The following ASTN2 variants were observed in gnomAD, a reference collection of about 807,000 sequenced individuals.
ASTN2 encodes astrotactin 2, also known as astrotactin-2.
In ASTN2, 54 loss-of-function variants were observed where a neutral mutation model predicts 139.8. The ratio of observed to expected loss-of-function variants is 0.39; its 90% CI spans 0.31 to 0.48. ASTN2 has a LOEUF of 0.48. Ranked by LOEUF, ASTN2 falls within the 20% of genes least tolerant of loss-of-function variation. The pLI is 0.95. For missense variants in ASTN2, 1,565 were observed against 1,725.1 expected (o/e 0.91, Z 1.64); for synonymous variants, 756 against 719.5 (o/e 1.05, Z -0.81).
intron 2 of ASTN2, among the ~76,000 whole-genome samples, chr9:117,240,813 T>TG (rs916755676): frequency 6.6e-6 from 1 of 152,144 alleles, no homozygotes; most frequent in African/African-American, 2.4e-5. Flanking sequence ...ACATAGCATA[T>TG]GGGGGGCTTG....
At position 117,414,770 on chromosome 9, in the gene ASTN2, G is replaced by T; in HGVS notation, c.169C>A (p.Arg57=). 2 of 1,266,010 alleles carry T rather than the reference G, an allele frequency of 1.6e-6. No individual in the cohort carries two copies. The highest frequency in any genetic ancestry group is 2.3e-5 in the South Asian group (1 of 44,438). The allele number at this position is 1,266,010 out of a possible 1,614,324, so 78.4% of individuals were successfully genotyped here. A position where few individuals can be genotyped will look rare whatever the true frequency, so the allele number is the denominator to read the frequency against. ...AGCCGGCACGGGCTGTCGGGCTCCCGCGAGGCAGCGGCGGTGGCGCCGGCC... is the reference window on the plus strand; with the variant it reads ...AGCCGGCACGGGCTGTCGGGCTCCCTCGAGGCAGCGGCGGTGGCGCCGGCC... ...LLAGATAAAS[R]EPDSPCRLKT... The change falls in exon 1 of 23, where the codon CGG becomes AGG. Residue 57 remains arginine (R), a synonymous_variant. Coordinates refer to ENST00000313400, the MANE Select transcript of ASTN2 (RefSeq NM_001365068.1). The surrounding 1 kb of genome is among the most constrained non-coding windows in gnomAD (Gnocchi z 4.2).
intron 19 of ASTN2, among the ~76,000 whole-genome samples, chr9:116,565,379 CTCTCTCTCCATATATATATATATATATA>C (rs1378781981): frequency 0.013 from 436 of 34,390 alleles, 20 homozygotes; most frequent in African/African-American, 0.058. Context: ...CTCTCTCTCT[CTCTCTCTCCATATATATATATATATATA>C]TATATATATA....
intron 19 of ASTN2, among the ~76,000 whole-genome samples, chr9:116,529,490 G>C (rs2119277770): frequency 6.6e-6 from 1 of 152,262 alleles, no homozygotes; most frequent in Middle Eastern, 3.4e-3. Flanking sequence ...CTTTGTCTCA[G>C]ATGAGACTTT....
At chr9:116,804,347 G>A (rs1830975076) in intron 13 of ASTN2, among the ~76,000 whole-genome samples, 1 of 151,962 alleles carries the variant, frequency 6.6e-6, no homozygotes, top group African/African-American at 2.4e-5. Context: ...TTGTAAAATG[G>A]AGGTCATAGT....
intron 10 of ASTN2, among the ~76,000 whole-genome samples, chr9:116,878,024 G>A (rs1254303661): frequency 1.3e-5 from 2 of 152,194 alleles, no homozygotes; most frequent in Non-Finnish European, 1.5e-5. Flanking sequence ...TCTCACGCCA[G>A]TCTGAATGGC....
intron 13 of ASTN2, among the ~76,000 whole-genome samples, chr9:116,803,143 AT>A (rs1008754956): frequency 1.3e-5 from 2 of 151,940 alleles, no homozygotes; most frequent in Non-Finnish European, 2.9e-5. Flanking sequence ...TAATTCCTTT[AT>A]TTTTTTATTT....
chr9:117,349,746 AATG>A (rs1229399993), intron 1 of ASTN2, among the ~76,000 whole-genome samples: 3 of 152,164 alleles, frequency 2.0e-5, no homozygotes, highest in Non-Finnish European at 1.5e-5. Context: ...GCCCCAAATA[AATG>A]ATGAAGACTA....
At position 116,442,426 on chromosome 9, in the gene ASTN2, T is replaced by C. The variant is rs747219492; in HGVS notation, c.3598+27A>G. The C allele has an allele frequency of 1.8e-5, 28 of 1,577,690 alleles. No individual in the cohort carries two copies. The African/African-American group carries it at 2.8e-4, about 16-fold the overall frequency. ...ACTTAGGGGAAATATGGGAGTTACT[T>C]TGGAGTTGAAAAACTGGGTTACCTA... On this transcript the variant is annotated intron_variant, in intron 21 of 22. Transcript: ENST00000313400.
intron 17 of ASTN2, among the ~76,000 whole-genome samples, chr9:116,641,089 C>G (rs803926): frequency 0.58 from 88,083 of 151,936 alleles, 26,031 homozygotes; most frequent in East Asian, 0.86. Context: ...AACCATAGTA[C>G]AGTGGTCTGC....
chr9:117,031,485 C>A (rs958583305), intron 6 of ASTN2, among the ~76,000 whole-genome samples: 22 of 152,226 alleles, frequency 1.4e-4, no homozygotes, highest in African/African-American at 5.3e-4. Flanking sequence ...GTTTTGGATC[C>A]TGTCCAAGGT....
intron 19 of ASTN2, among the ~76,000 whole-genome samples, chr9:116,600,323 CAAAAAAA>C (rs35224783): frequency 1.7e-4 from 20 of 118,996 alleles, no homozygotes; most frequent in East Asian, 1.5e-3. Context: ...GACCCTGTCT[CAAAAAAA>C]AAAAAAAAAA....
intron 10 of ASTN2, among the ~76,000 whole-genome samples, chr9:116,913,871 T>C (rs1029758034): frequency 2.0e-5 from 3 of 151,650 alleles, no homozygotes; most frequent in East Asian, 1.9e-4. Context: ...ATGGAAATTA[T>C]GGGGTGGCAC....
intron 2 of ASTN2, among the ~76,000 whole-genome samples, chr9:117,232,926 T>C (rs1294078467): frequency 6.6e-6 from 1 of 152,002 alleles, no homozygotes; most frequent in Non-Finnish European, 1.5e-5. Context: ...ATTCATCATG[T>C]TTGGTAATCA....
chr9:116,815,820 A>AAAAAAAAAGAAAAAAAAAAAAAAAAAG, intron 12 of ASTN2, among the ~76,000 whole-genome samples: 1 of 148,202 alleles, frequency 6.7e-6, no homozygotes, highest in Non-Finnish European at 1.5e-5. Flanking sequence ...AAAAAAAAAA[A>AAAAAAAAAGAAAAAAAAAAAAAAAAAG]AAAAAAAAGT....
intron 16 of ASTN2, among the ~76,000 whole-genome samples, chr9:116,691,821 T>G (rs1266800918): frequency 6.6e-6 from 1 of 152,226 alleles, no homozygotes; most frequent in African/African-American, 2.4e-5. Context: ...TGCACTTGAT[T>G]AGCATTCTGT....
intron 19 of ASTN2, among the ~76,000 whole-genome samples, chr9:116,541,905 C>A (rs1017782426): frequency 3.3e-5 from 5 of 152,098 alleles, no homozygotes; most frequent in Admixed American, 2.6e-4. Context: ...TAGAGAGAGA[C>A]CTTGTGTACT....
At chr9:116,728,958 C>A (rs961439611) in intron 15 of ASTN2, 34 bp downstream of exon 15, 10 of 1,538,912 alleles carry the variant, frequency 6.5e-6, no homozygotes, top group Non-Finnish European at 8.8e-6. Flanking sequence ...TAAATTATTC[C>A]AAGTCCCCTG....
chr9:117,372,663 A>G (rs1054156416), intron 1 of ASTN2, among the ~76,000 whole-genome samples: 1 of 152,186 alleles, frequency 6.6e-6, no homozygotes, highest in Non-Finnish European at 1.5e-5. Flanking sequence ...GGCACATAGC[A>G]GGTTCTGAAT....
intron 10 of ASTN2, among the ~76,000 whole-genome samples, chr9:116,896,835 C>T (rs573800784): frequency 2.6e-5 from 4 of 152,270 alleles, no homozygotes; most frequent in Admixed American, 2.6e-4. Context: ...CATGGGGACA[C>T]CATCCCAGTG....
Sources: allele counts gnomAD v4.1 joint callset (sites outside exome capture counted in the v4.1 genomes callset), GRCh38; gene constraint gnomAD v4.1.1; non-coding constraint Gnocchi (gnomAD v3.1); transcripts MANE v1.5; gene names NCBI Gene and HGNC (gene_info 2026-07-23, HGNC 2026-07-21).